TMPRSS15: variants seen among roughly 807,000 people sequenced by gnomAD.
TMPRSS15 encodes enteropeptidase.
In TMPRSS15, 128 loss-of-function variants were observed where a neutral mutation model predicts 125.3. The ratio of observed to expected loss-of-function variants is 1.02; its 90% confidence interval spans 0.89 to 1.18. The LOEUF is 1.18. Ranked by LOEUF, TMPRSS15 falls within the 50% of genes most tolerant of loss-of-function variation. The pLI is 0.00. For missense variants in TMPRSS15, 1,283 were observed against 1,212.7 expected, an observed-to-expected ratio of 1.06 and a Z score of -0.86; for synonymous variants, 446 against 423.2, an observed-to-expected ratio of 1.05 and a Z score of -0.66.
chr21:18,455,893 T>G (rs941156582), intron 1 of TMPRSS15, among the ~76,000 whole-genome samples: 1 of 152,182 alleles, frequency 6.6e-6, no homozygotes, highest in Non-Finnish European at 1.5e-5. Context: ...CCTCCTTGCA[T>G]AGTATTGTAT....
At chr21:18,446,534 A>G (rs534505530) in intron 1 of TMPRSS15, among the ~76,000 whole-genome samples, 20 of 152,326 alleles carry the variant, frequency 1.3e-4, no homozygotes, top group African/African-American at 4.8e-4. Flanking sequence ...GCAACATACT[A>G]CCTGACTTTA....
chr21:18,320,765 G>A lies in TMPRSS15; in HGVS notation c.1922-5509C>T, dbSNP rs541994521. Among the ~76,000 whole-genome samples, 28 of 152,268 alleles carry A rather than the reference G, an allele frequency of 1.8e-4. 1 individual carries two copies. The South Asian group carries it at 5.6e-3, about 30-fold the overall frequency. ...AGCTCTTTCAAAATTTTCCTTACAC[G>A]CATAAACTGGATTCTGATTTTTTGC... On this transcript the variant is annotated intron_variant, in intron 16 of 24. Transcript: ENST00000284885.
chr21:18,297,840 A>G lies in TMPRSS15; in HGVS notation c.2166-11T>C. On this transcript the variant is annotated splice_polypyrimidine_tract_variant and intron_variant, in intron 18 of 24. Transcript: ENST00000284885. The stretch of plus-strand genomic sequence containing the variant: ...GATGAGTTTCCACTCCTAGAGAAAA[A>G]AGAAAAAAGCATACAGACAAAACAA... The G allele has an allele frequency of 6.3e-7, 1 of 1,586,810 alleles. No homozygotes were observed. The highest frequency in any genetic ancestry group is 8.7e-7 in the Non-Finnish European group (1 of 1,155,344).
chr21:18,484,641 G>T (rs1979045024), intron 1 of TMPRSS15, among the ~76,000 whole-genome samples: 1 of 151,568 alleles, frequency 6.6e-6, no homozygotes, highest in African/African-American at 2.4e-5. Flanking sequence ...TGTTTTTCTA[G>T]TTGGATTTCC....
Position 18,287,912 on chromosome 21 carries a change from C to T in TMPRSS15, c.2486+6358G>A, listed in dbSNP as rs2074785003. On this transcript the variant is annotated intron_variant, in intron 21 of 24. Coordinates refer to ENST00000284885, the MANE Select transcript of TMPRSS15 (RefSeq NM_002772.3). ...TATTACTAACCTACCCTTGAAATCT[C>T]TACTGTCTATGACTATTTATCAGAG... is the stretch of plus-strand genomic sequence containing the variant. Among the ~76,000 whole-genome samples, 3 of 152,262 alleles carry T rather than the reference C, an allele frequency of 2.0e-5. No homozygotes were observed. In the South Asian group the frequency reaches 6.2e-4, roughly 32 times the overall value.
Position 18,269,888 on chromosome 21 carries a change from T to C in TMPRSS15, c.*81A>G. ...ACCTTTGGTAACTTTTTAAAATTTT[T>C]GTACGAAACACTTAATTTCCATGCT... On this transcript the variant is annotated 3_prime_UTR_variant, in exon 25 of 25. Transcript: ENST00000284885. 1 of 1,551,406 alleles carries C rather than the reference T, an allele frequency of 6.4e-7. No individual in the cohort carries two copies. Among genetic ancestry groups the C allele is most frequent in the African/African-American group, 1.4e-5 (1 of 73,000 alleles).
chr21:18,312,485 A>C (rs1011885452), intron 18 of TMPRSS15, among the ~76,000 whole-genome samples: 17 of 151,010 alleles, frequency 1.1e-4, no homozygotes, highest in African/African-American at 3.2e-4. Flanking sequence ...ATATTTTACA[A>C]ATTTTGCATA....
At chr21:18,477,564 T>G (rs967328484) in intron 1 of TMPRSS15, 3 of 152,038 alleles carry the variant, frequency 2.0e-5, no homozygotes, top group African/African-American at 7.2e-5. Context: ...AAGGGACTCA[T>G]GTAATTCAGG....
chr21:18,383,778 T>C lies in TMPRSS15; in HGVS notation c.345A>G (p.Glu115=). The part of the protein sequence containing the change: ...EYKNSRVLQF[E]NGSIIVVFDL... ...CAAATACGACTATAATGCTGCCATT[T>C]CTGCAAAGCAAAAGAGGATATAAGA... The change falls in exon 4 of 25, where the codon GAA becomes GAG. Residue 115 remains glutamate, a splice_region_variant and synonymous_variant. Transcript: ENST00000284885. 1.9e-6 allele frequency: 3 copies of C among 1,613,012 alleles called. No individual in the cohort carries two copies. The highest frequency in any genetic ancestry group is 2.5e-6 in the Non-Finnish European group (3 of 1,179,448).
chr21:18,366,068 A>C (rs1186436282), intron 6 of TMPRSS15, among the ~76,000 whole-genome samples: 1 of 152,082 alleles, frequency 6.6e-6, no homozygotes, highest in African/African-American at 2.4e-5. Context: ...CCCTTCCCTA[A>C]GCTGCACTTT....
intron 19 of TMPRSS15, among the ~76,000 whole-genome samples, chr21:18,295,523 C>A (rs1033693621): frequency 7.2e-5 from 11 of 152,194 alleles, no homozygotes; most frequent in Non-Finnish European, 1.6e-4. Flanking sequence ...ATTGTGCATG[C>A]TGTTTAGATC....
chr21:18,468,446 G>A (rs1038814195), intron 1 of TMPRSS15, among the ~76,000 whole-genome samples: 1 of 151,958 alleles, frequency 6.6e-6, no homozygotes, highest in African/African-American at 2.4e-5. Flanking sequence ...GTCTTTCACT[G>A]GCTCAGCCTC....
chr21:18,288,623 C>A (rs1451738579), intron 21 of TMPRSS15, among the ~76,000 whole-genome samples: 2 of 141,472 alleles, frequency 1.4e-5, no homozygotes, highest in African/African-American at 5.2e-5. Context: ...TCACCACAAC[C>A]TTCGCCTCCC....
Position 18,403,493 on chromosome 21 carries a change from T to C in TMPRSS15, c.130A>G (p.Lys44Glu). ...GLIAVSCLTI[K>E]ESQRGAALGQ... ...TGTGACTTACCTCGTTGGGATTCCT[T>C]GATTGTCAGGCAGGATACTGCAATT... Residue 44 changes from lysine (K) to glutamate (E), a missense_variant, in exon 1 of 25, where the codon AAG becomes GAG. Coordinates refer to ENST00000284885, the MANE Select transcript of TMPRSS15 (RefSeq NM_002772.3). The C allele has an allele frequency of 6.2e-7, 1 of 1,614,148 alleles. No individual in the cohort carries two copies. Among genetic ancestry groups the C allele is most frequent in the Non-Finnish European group, 8.5e-7 (1 of 1,180,002 alleles).
Position 18,360,380 on chromosome 21 carries a change from T to C in TMPRSS15, c.774-517A>G, listed in dbSNP as rs1484650921. 2.6e-5 allele frequency among the ~76,000 whole-genome samples: 4 copies of C among 152,134 alleles called. No individual in the cohort carries two copies. In the East Asian group the frequency reaches 7.7e-4, roughly 29 times the overall value. ...TTTACCTTTTGTTTATTGTAACTAA[T>C]GCTGAAATGAACATGGGAGTGCAGA... On this transcript the variant is annotated intron_variant, in intron 7 of 24. Transcript: ENST00000284885.
chr21:18,330,942 G>C (rs895682915), intron 14 of TMPRSS15, among the ~76,000 whole-genome samples: 2 of 151,838 alleles, frequency 1.3e-5, no homozygotes, highest in African/African-American at 4.8e-5. Context: ...GCCTGGTGGC[G>C]GGCGCCTGTA....
chr21:18,404,919 T>A (rs1221614868), upstream of TMPRSS15, among the ~76,000 whole-genome samples: 2 of 152,010 alleles, frequency 1.3e-5, no homozygotes, highest in Non-Finnish European at 2.9e-5. Flanking sequence ...AATATATATA[T>A]GAAATATATA....
intron 1 of TMPRSS15, among the ~76,000 whole-genome samples, chr21:18,455,108 C>A (rs1297741597): frequency 6.6e-6 from 1 of 151,926 alleles, no homozygotes; most frequent in African/African-American, 2.4e-5. Context: ...GGGTTTTTTT[C>A]CTTCCTTCAC....
chr21:18,465,864 T>G (rs1978650021), intron 1 of TMPRSS15, among the ~76,000 whole-genome samples: 1 of 152,136 alleles, frequency 6.6e-6, no homozygotes, highest in Admixed American at 6.6e-5. Context: ...GCAATGCTAT[T>G]CCCATCAAGA....
Sources: allele counts gnomAD v4.1 joint callset (sites outside exome capture counted in the v4.1 genomes callset), GRCh38; gene constraint gnomAD v4.1.1; transcripts MANE v1.5; gene names NCBI Gene and HGNC (gene_info 2026-07-23, HGNC 2026-07-21).